The following SOX5 variants were observed in gnomAD, a reference collection of about 807,000 sequenced individuals.
SOX5 encodes the protein transcription factor SOX-5.
Under a neutral mutation model 92.0 loss-of-function variants are expected in SOX5, and 9 were observed. The observed-to-expected ratio is 0.10, with a 90% CI of 0.06 to 0.17. SOX5 has a LOEUF of 0.17. SOX5 is among the 10% of genes least tolerant of loss of function. The pLI, the probability that SOX5 is intolerant of heterozygous loss-of-function variation, is 1.00. For synonymous variants in SOX5, 344 were observed against 336.3 expected (o/e 1.02, Z -0.25); for missense variants, 642 against 944.5 (o/e 0.68, Z 4.20).
At chr12:24,229,347 G>A (rs1962867519) in intron 3 of SOX5, among the ~76,000 whole-genome samples, 1 of 152,162 alleles carries the variant, frequency 6.6e-6, no homozygotes, top group East Asian at 1.9e-4. Flanking sequence ...TGCAAGGCAG[G>A]AGTAGCTCCT....
At chr12:24,178,891 C>T (rs1446702401) in intron 4 of SOX5, among the ~76,000 whole-genome samples, 1 of 152,298 alleles carries the variant, frequency 6.6e-6, no homozygotes, top group Non-Finnish European at 1.5e-5. Flanking sequence ...TGTTTTCCCC[C>T]ATGATACCCA....
chr12:24,382,996 AAAAG>A (rs531432090), intron 1 of SOX5, among the ~76,000 whole-genome samples: 9 of 152,150 alleles, frequency 5.9e-5, no homozygotes, highest in Non-Finnish European at 8.8e-5. Flanking sequence ...GTTGCAATGT[AAAAG>A]AAATGTATAT....
intron 6 of SOX5, among the ~76,000 whole-genome samples, chr12:23,708,741 A>G (rs1427716486): frequency 8.5e-5 from 13 of 152,198 alleles, no homozygotes; most frequent in Admixed American, 7.2e-4. Context: ...TACACGCACA[A>G]CGTTATAGAA....
chr12:24,324,531 C>A (rs1184045608), intron 2 of SOX5, among the ~76,000 whole-genome samples: 1 of 151,688 alleles, frequency 6.6e-6, no homozygotes. Flanking sequence ...TACTTTATCA[C>A]AAAAGTTAAC....
At chr12:23,603,369 A>T (rs2074772218) in intron 9 of SOX5, among the ~76,000 whole-genome samples, 1 of 150,210 alleles carries the variant, frequency 6.7e-6, no homozygotes. Context: ...TGTTTTAGAC[A>T]TGTCAACATG....
chr12:23,830,048 C>G (rs905865638), intron 3 of SOX5, among the ~76,000 whole-genome samples: 21 of 152,064 alleles, frequency 1.4e-4, no homozygotes, highest in Admixed American at 3.3e-4. Flanking sequence ...TTTCCTATAA[C>G]ACTAATGAAA....
chr12:23,829,640 A>G (rs932403620), intron 3 of SOX5, among the ~76,000 whole-genome samples: 3 of 152,168 alleles, frequency 2.0e-5, no homozygotes, highest in Non-Finnish European at 4.4e-5. Context: ...AAACAGGTAC[A>G]CCATTTATCT....
chr12:24,023,494 C>G (rs975022212), intron 4 of SOX5, among the ~76,000 whole-genome samples: 1 of 152,078 alleles, frequency 6.6e-6, no homozygotes, highest in Non-Finnish European at 1.5e-5. Flanking sequence ...GAAAATTTAT[C>G]TCAATACAGA....
intron 2 of SOX5, among the ~76,000 whole-genome samples, chr12:24,297,340 C>T (rs1355593476): frequency 6.6e-6 from 1 of 152,216 alleles, no homozygotes; most frequent in East Asian, 1.9e-4. Context: ...CGACAGTCTT[C>T]CCATTCTCAG....
At chr12:23,911,864 G>A (rs2097355627) in intron 1 of SOX5, among the ~76,000 whole-genome samples, 1 of 152,102 alleles carries the variant, frequency 6.6e-6, no homozygotes, top group South Asian at 2.1e-4. Flanking sequence ...AAACACAGAA[G>A]AACATCTTCG....
At chr12:24,464,946 A>C (rs778782635) in intron 1 of SOX5, among the ~76,000 whole-genome samples, 5 of 152,228 alleles carry the variant, frequency 3.3e-5, no homozygotes, top group African/African-American at 4.8e-5. Flanking sequence ...AACTCCACCA[A>C]CAAGTCCAGG....
chr12:24,311,395 G>A (rs1046541108), intron 2 of SOX5, among the ~76,000 whole-genome samples: 4 of 151,814 alleles, frequency 2.6e-5, no homozygotes, highest in African/African-American at 7.3e-5. Context: ...TTCATTATAG[G>A]GGTGTCAGGT....
chr12:23,613,030 C>T (rs1352957676), intron 8 of SOX5, among the ~76,000 whole-genome samples: 1 of 151,196 alleles, frequency 6.6e-6, no homozygotes, highest in Non-Finnish European at 1.5e-5. Context: ...AGAAAATTAT[C>T]ATAGCAACTT....
chr12:23,900,716 C>T (rs1350951587), intron 1 of SOX5, among the ~76,000 whole-genome samples: 7 of 152,136 alleles, frequency 4.6e-5, no homozygotes, highest in Non-Finnish European at 8.8e-5. Flanking sequence ...TGACTCATGC[C>T]TGTAATCCCA....
intron 4 of SOX5, among the ~76,000 whole-genome samples, chr12:24,197,276 C>T (rs1388126820): frequency 2.0e-5 from 3 of 152,094 alleles, no homozygotes; most frequent in Non-Finnish European, 2.9e-5. Flanking sequence ...TAAAATATTC[C>T]GTCAGAAGAT....
chr12:24,242,087 T>C (rs896383835), intron 3 of SOX5, among the ~76,000 whole-genome samples: 3 of 152,196 alleles, frequency 2.0e-5, no homozygotes, highest in Admixed American at 2.0e-4. Flanking sequence ...TCGAAAGTTA[T>C]TTTTTGTCTG....
At chr12:24,143,201 C>T (rs1950754554) in intron 4 of SOX5, among the ~76,000 whole-genome samples, 1 of 152,128 alleles carries the variant, frequency 6.6e-6, no homozygotes, top group African/African-American at 2.4e-5. Context: ...TGATCTGCTT[C>T]CAAGACACGT....
At chr12:23,853,125 CAT>C (rs34095737) in intron 2 of SOX5, among the ~76,000 whole-genome samples, 39 of 146,474 alleles carry the variant, frequency 2.7e-4, no homozygotes, top group Non-Finnish European at 3.0e-4. Flanking sequence ...TATATATATA[CAT>C]ATATATATAT....
chr12:23,870,672 T>A (rs1422298513), intron 2 of SOX5, among the ~76,000 whole-genome samples: 1 of 152,162 alleles, frequency 6.6e-6, no homozygotes, highest in Non-Finnish European at 1.5e-5. Context: ...CAACCTATGT[T>A]TTCCCTTTAG....
Sources: allele counts gnomAD v4.1 joint callset (sites outside exome capture counted in the v4.1 genomes callset), GRCh38; gene constraint gnomAD v4.1.1; transcripts MANE v1.5; gene names NCBI Gene and HGNC (gene_info 2026-07-23, HGNC 2026-07-21).